The following LRRTM4 variants were observed in gnomAD, a reference collection of about 807,000 sequenced individuals.
LRRTM4 encodes the protein leucine rich repeat transmembrane neuronal 4.
LRRTM4 carries 25 observed loss-of-function variants against 47.6 expected under a neutral mutation model. The observed-to-expected ratio is 0.53, with a 90% CI of 0.38 to 0.73. The LOEUF (loss-of-function observed/expected upper bound fraction) is 0.73, where lower values mean the gene tolerates loss of function less well. Ranked by LOEUF, LRRTM4 falls within the 30% of genes least tolerant of loss-of-function variation. LRRTM4 has a pLI of 0.00. For missense variants in LRRTM4, 638 were observed against 713.4 expected, an observed-to-expected ratio of 0.89 and a Z score of 1.20; for synonymous variants, 311 against 269.5, an observed-to-expected ratio of 1.15 and a Z score of -1.51.
chr2:76,763,717 A>G (rs1040828746), intron 3 of LRRTM4, among the ~76,000 whole-genome samples: 3 of 152,192 alleles, frequency 2.0e-5, no homozygotes, highest in Non-Finnish European at 4.4e-5. Context: ...AAGAGTTTAG[A>G]GGTACATGCT....
At chr2:76,983,463 A>T (rs1196677406) in intron 3 of LRRTM4, among the ~76,000 whole-genome samples, 1 of 151,976 alleles carries the variant, frequency 6.6e-6, no homozygotes, top group Non-Finnish European at 1.5e-5. Flanking sequence ...ATGGTTTTAT[A>T]AATGGGAGTT....
At chr2:77,370,655 A>C (rs2103768049) in intron 3 of LRRTM4, among the ~76,000 whole-genome samples, 1 of 151,876 alleles carries the variant, frequency 6.6e-6, no homozygotes, top group African/African-American at 2.4e-5. Context: ...TGATGTAGCT[A>C]TCTGCCAAAC....
At chr2:76,930,553 T>C (rs1674737693) in intron 3 of LRRTM4, among the ~76,000 whole-genome samples, 1 of 152,178 alleles carries the variant, frequency 6.6e-6, no homozygotes, top group African/African-American at 2.4e-5. Flanking sequence ...TCTGCAATTC[T>C]CTCTTGGTCA....
intron 3 of LRRTM4, among the ~76,000 whole-genome samples, chr2:77,031,742 CGT>C (rs762906482): frequency 7.2e-5 from 11 of 151,930 alleles, no homozygotes; most frequent in South Asian, 2.1e-4. Context: ...TTTGTGTGTG[CGT>C]GTGTGTGACA....
At chr2:76,920,120 C>A (rs1674386626) in intron 3 of LRRTM4, among the ~76,000 whole-genome samples, 1 of 152,050 alleles carries the variant, frequency 6.6e-6, no homozygotes, top group Admixed American at 6.6e-5. Context: ...ATATGAGATC[C>A]TTGCCTGGCA....
intron 3 of LRRTM4, among the ~76,000 whole-genome samples, chr2:77,406,715 G>T (rs1674202072): frequency 6.6e-6 from 1 of 152,112 alleles, no homozygotes; most frequent in Non-Finnish European, 1.5e-5. Context: ...TTTGCACAGT[G>T]CATAGATTGA....
intron 3 of LRRTM4, among the ~76,000 whole-genome samples, chr2:76,778,924 T>G (rs1480755668): frequency 1.3e-5 from 2 of 151,578 alleles, no homozygotes; most frequent in Non-Finnish European, 2.9e-5. Context: ...CTTTACACAC[T>G]GCTTTGAATG....
intron 3 of LRRTM4, among the ~76,000 whole-genome samples, chr2:76,838,730 G>A (rs993543276): frequency 3.3e-5 from 5 of 151,980 alleles, no homozygotes; most frequent in Non-Finnish European, 5.9e-5. Flanking sequence ...AGAAATTGGT[G>A]TTATTTGGAT....
intron 3 of LRRTM4, among the ~76,000 whole-genome samples, chr2:77,321,989 T>C (rs1677806979): frequency 6.6e-6 from 1 of 152,164 alleles, no homozygotes; most frequent in Admixed American, 6.6e-5. Flanking sequence ...ATTTAAGATA[T>C]GAAATTCTGA....
At chr2:77,437,992 G>A (rs1445092870) in intron 3 of LRRTM4, among the ~76,000 whole-genome samples, 3 of 151,858 alleles carry the variant, frequency 2.0e-5, no homozygotes, top group Middle Eastern at 3.2e-3. Context: ...ACTTGTAACG[G>A]GTATCACAAT....
chr2:77,090,360 G>A (rs965448900), intron 3 of LRRTM4, among the ~76,000 whole-genome samples: 2 of 152,000 alleles, frequency 1.3e-5, no homozygotes, highest in Non-Finnish European at 2.9e-5. Flanking sequence ...ACACTTTACA[G>A]CCCTAGACCC....
intron 3 of LRRTM4, among the ~76,000 whole-genome samples, chr2:77,339,209 C>T (rs1671278317): frequency 1.3e-5 from 2 of 152,046 alleles, no homozygotes; most frequent in African/African-American, 4.8e-5. Context: ...ATGCAATATA[C>T]TCAAGTAACA....
chr2:77,496,458 C>A (rs142399861), intron 3 of LRRTM4, among the ~76,000 whole-genome samples: 1 of 151,856 alleles, frequency 6.6e-6, no homozygotes, highest in East Asian at 1.9e-4. Flanking sequence ...TTAGTAATCA[C>A]CTTTTCACAG....
intron 3 of LRRTM4, among the ~76,000 whole-genome samples, chr2:77,498,697 C>T (rs1013720238): frequency 6.6e-6 from 1 of 151,918 alleles, no homozygotes; most frequent in Admixed American, 6.6e-5. Flanking sequence ...AACATTGCCT[C>T]ACCATATCCA....
At chr2:77,023,983 A>G (rs1678363084) in intron 3 of LRRTM4, among the ~76,000 whole-genome samples, 1 of 152,206 alleles carries the variant, frequency 6.6e-6, no homozygotes, top group South Asian at 2.1e-4. Context: ...TTGGACTTAC[A>G]GTTCCACATG....
chr2:77,032,519 G>C (rs1231214597), intron 3 of LRRTM4, among the ~76,000 whole-genome samples: 1 of 151,984 alleles, frequency 6.6e-6, no homozygotes, highest in Non-Finnish European at 1.5e-5. Flanking sequence ...GCACAAAATA[G>C]AAGTTCAATA....
At chr2:77,336,109 A>C (rs1408826638) in intron 3 of LRRTM4, among the ~76,000 whole-genome samples, 2 of 151,560 alleles carry the variant, frequency 1.3e-5, no homozygotes, top group Non-Finnish European at 2.9e-5. Context: ...GGAAGGAAAG[A>C]AGGAAAGAAG....
At chr2:77,489,706 G>A (rs773001195) in intron 3 of LRRTM4, among the ~76,000 whole-genome samples, 1 of 152,154 alleles carries the variant, frequency 6.6e-6, no homozygotes, top group Non-Finnish European at 1.5e-5. Context: ...ACAGACCAAT[G>A]TGACAAAACC....
intron 3 of LRRTM4, among the ~76,000 whole-genome samples, chr2:77,064,827 C>T (rs1043236316): frequency 1.3e-5 from 2 of 152,062 alleles, no homozygotes; most frequent in African/African-American, 4.8e-5. Flanking sequence ...GTGCTTTTTT[C>T]GTACCCTGCT....
Sources: gnomAD v4.1 joint callset for allele counts (sites outside exome capture counted in the v4.1 genomes callset) on GRCh38, gnomAD v4.1.1 for gene constraint, MANE v1.5 for transcripts, NCBI Gene and HGNC (gene_info 2026-07-23, HGNC 2026-07-21) for gene names.